The following SLC25A19 variants were observed in gnomAD, a reference collection of about 807,000 sequenced individuals.
The protein encoded by SLC25A19 is solute carrier family 25 member 19, also known as mitochondrial thiamine pyrophosphate carrier.
Under a neutral mutation model 27.9 loss-of-function variants are expected in SLC25A19, and 18 were observed. That is an observed-to-expected ratio of 0.64 (90% confidence interval 0.45 to 0.96). The LOEUF is 0.96. SLC25A19 is among the 40% of genes least tolerant of loss of function. The pLI is 0.00. For synonymous variants in SLC25A19, 169 were observed against 167.1 expected (o/e 1.01, Z -0.09); for missense variants, 371 against 418.3 (o/e 0.89, Z 0.99).
chr17:75,273,530 G>A lies in SLC25A19; in HGVS notation c.884C>T (p.Ser295Phe), dbSNP rs1386013043. The change falls in exon 8 of 8, where the codon TCC becomes TTC. Residue 295 changes from serine (S) to phenylalanine (F), a missense_variant. Ser to Phe is a radical substitution (Grantham distance 155, BLOSUM62 -2). Coordinates refer to ENST00000416858, the MANE Select transcript of SLC25A19 (RefSeq NM_001126121.2). The stretch of plus-strand genomic sequence containing the variant: ...ATACGAGAAGAACATGAAGCCTGTG[G>A]AGAGGGCAGCCTTCAGCAAGCTGGG... ...LSPSLLKAAL[S>F]TGFMFFSYEF... The A allele has an allele frequency of 1.9e-6, 3 of 1,614,092 alleles. No individual in the cohort carries two copies. The highest frequency in any genetic ancestry group is 1.3e-5 in the African/African-American group (1 of 74,938).
At chr17:75,280,749 T>C (rs2078019158) in intron 5 of SLC25A19, among the ~76,000 whole-genome samples, 1 of 151,250 alleles carries the variant, frequency 6.6e-6, no homozygotes, top group South Asian at 2.1e-4. Context: ...GGGGTGGAGC[T>C]TGCAGCCTCA....
intron 5 of SLC25A19, among the ~76,000 whole-genome samples, chr17:75,280,013 C>CA (rs1296321737): frequency 2.2e-5 from 3 of 137,454 alleles, no homozygotes; most frequent in African/African-American, 7.7e-5. Flanking sequence ...AACTCTTAAA[C>CA]AAATTATCCT....
In SLC25A19 at chr17:75,278,265, C is replaced by G. The variant is rs119473030; in HGVS notation, c.530G>C (p.Gly177Ala). The G allele has an allele frequency of 2.5e-5, 41 of 1,613,940 alleles. No homozygotes were observed. Among genetic ancestry groups the G allele is most frequent in the East Asian group, 2.2e-5 (1 of 44,884 alleles). Residue 177 changes from glycine to alanine, a missense_variant, in exon 6 of 8, where the codon GGC (glycine) becomes GCC (alanine). By Grantham distance (60) the Gly-to-Ala change is moderately conservative. Coordinates refer to ENST00000416858, the MANE Select transcript of SLC25A19 (RefSeq NM_001126121.2). ...GATGGCGATCAAGGTGGGAGCCAAG[C>G]CTTTGTAGAAAACCTGGGGGCCTTC... is the stretch of plus-strand genomic sequence containing the variant. The part of the protein sequence containing the change: ...RSEGPQVFYK[G>A]LAPTLIAIFP...
chr17:75,276,381 T>C (rs2077886925), intron 7 of SLC25A19, among the ~76,000 whole-genome samples: 1 of 152,210 alleles, frequency 6.6e-6, no homozygotes, highest in South Asian at 2.1e-4. Flanking sequence ...TGTGCTTTAA[T>C]ATTTGGGGAC....
At chr17:75,274,231 C>A (rs1325843775) in intron 7 of SLC25A19, among the ~76,000 whole-genome samples, 1 of 152,182 alleles carries the variant, frequency 6.6e-6, no homozygotes, top group Non-Finnish European at 1.5e-5. Context: ...TTCCCAGAGG[C>A]ATCTCTGACC....
chr17:75,277,231 G>A (rs62089322), intron 7 of SLC25A19, 122 bp downstream of exon 7: 10 of 1,273,332 alleles, frequency 7.9e-6, no homozygotes, highest in South Asian at 2.8e-5. Context: ...AGGAATGGAC[G>A]CAGGTGAAGG....
rs1157012896 is a variant in SLC25A19, at chr17:75,278,152, C to T, written c.643G>A (p.Glu215Lys). Reference sequence around the variant, plus strand: ...CCCTCTCGTGTGAGGGCTGCCTCACCATTTTTCTTTCCTTCGGCTGGTATG... The same window carrying T: ...CCCTCTCGTGTGAGGGCTGCCTCACTATTTTTCTTTCCTTCGGCTGGTATG... ...WAIPAEGKKNENLQNLLCGSG... is the reference protein window; with the variant it reads ...WAIPAEGKKNKNLQNLLCGSG... The change falls in exon 6 of 8, where the codon GAG becomes AAG. Residue 215 changes from glutamate (E) to lysine (K), a missense_variant and splice_region_variant. Transcript: ENST00000416858. 17 of 1,613,204 alleles carry T rather than the reference C, an allele frequency of 1.1e-5. No individual in the cohort carries two copies. Among genetic ancestry groups the T allele is most frequent in the Non-Finnish European group, 1.4e-5 (16 of 1,179,992 alleles).
chr17:75,277,430 G>A lies in SLC25A19; in HGVS notation c.697C>T (p.Leu233=). The A allele has an allele frequency of 6.2e-7, 1 of 1,614,120 alleles. No homozygotes were observed. Among genetic ancestry groups the A allele is most frequent in the Non-Finnish European group, 8.5e-7 (1 of 1,180,020 alleles). The part of the protein sequence containing the change: ...GSGAGVISKT[L]TYPLDLFKKR... Reference sequence around the variant, plus strand: ...TTGAAGAGGTCCAGCGGATATGTCAGGGTCTTGCTGATGACACCAGCTCCA... The same window carrying A: ...TTGAAGAGGTCCAGCGGATATGTCAAGGTCTTGCTGATGACACCAGCTCCA... Residue 233 remains leucine, a synonymous_variant, in exon 7 of 8, where the codon CTG becomes TTG. Transcript: ENST00000416858.
At chr17:75,284,628 T>G (rs2078137300) in intron 4 of SLC25A19, among the ~76,000 whole-genome samples, 1 of 143,654 alleles carries the variant, frequency 7.0e-6, no homozygotes, top group South Asian at 2.3e-4. Context: ...TACATTCAGA[T>G]CTTTCTTTTT....
chr17:75,277,554 G>A (rs1567835807), intron 6 of SLC25A19, 71 bp from the exon 7 acceptor site: 38 of 1,579,014 alleles, frequency 2.4e-5, no homozygotes, highest in Admixed American at 3.3e-5. Context: ...CTTAAAAGGC[G>A]TCAGGGCTAA....
chr17:75,286,821 G>A lies in SLC25A19; in HGVS notation c.-38-19C>T. ...TATCAAGCTAAATGCAAGAGATACG[G>A]AATAAACACCAGGCAAGTTTCTTAT... On this transcript the variant is annotated intron_variant, in intron 2 of 7. Coordinates refer to ENST00000416858, the MANE Select transcript of SLC25A19 (RefSeq NM_001126121.2). 3 of 1,610,324 alleles carry A rather than the reference G, an allele frequency of 1.9e-6. No homozygotes were observed. The highest frequency in any genetic ancestry group is 1.7e-6 in the Non-Finnish European group (2 of 1,177,744).
chr17:75,286,403 G>A lies in SLC25A19; in HGVS notation c.189C>T (p.Leu63=). Residue 63 remains leucine, a synonymous_variant, in exon 4 of 8, where the codon CTC becomes CTT. Transcript: ENST00000416858. ...SDPSAKYHGI[L]QASRQILQEE... ...CCTGCAGAATCTGCCTAGAGGCCTGGAGGATGCCATGGTACTTTGCGCTGG... is the reference window on the plus strand; with the variant it reads ...CCTGCAGAATCTGCCTAGAGGCCTGAAGGATGCCATGGTACTTTGCGCTGG... 2 of 1,614,208 alleles carry A rather than the reference G, an allele frequency of 1.2e-6. No homozygotes were observed. The highest frequency in any genetic ancestry group is 1.7e-6 in the Non-Finnish European group (2 of 1,180,036).
rs549042210 is a variant in SLC25A19 at position 75,279,708 on chromosome 17, C to T, written c.460-1373G>A. 4.5e-3 allele frequency among the ~76,000 whole-genome samples: 688 copies of T among 151,970 alleles called. 8 individuals carry two copies. The highest frequency in any genetic ancestry group is 0.015 in the African/African-American group (642 of 41,450). On this transcript the variant is annotated intron_variant, in intron 5 of 7. Transcript: ENST00000416858. ...ATTTTTAGTAGAGACGGGGTTTCAT[C>T]ATGTTGGCCAGGATGATCTCGATCT...
chr17:75,274,547 T>C (rs2077815217), intron 7 of SLC25A19, among the ~76,000 whole-genome samples: 1 of 152,178 alleles, frequency 6.6e-6, no homozygotes, highest in South Asian at 2.1e-4. Flanking sequence ...CCACGTGCCC[T>C]TCCCACCTCT....
At chr17:75,281,204 A>T (rs562875396) in intron 5 of SLC25A19, among the ~76,000 whole-genome samples, 1 of 152,098 alleles carries the variant, frequency 6.6e-6, no homozygotes, top group East Asian at 1.9e-4. Flanking sequence ...AATATATATA[A>T]ATAATAACAA....
intron 2 of SLC25A19, 45 bp from the exon 3 acceptor site, chr17:75,286,847 G>C (rs568842542): frequency 6.4e-7 from 1 of 1,567,900 alleles, no homozygotes; most frequent in South Asian, 1.1e-5. Flanking sequence ...AGTTTCTTAT[G>C]GTCTCTGCTC....
At chr17:75,284,646 T>C (rs1403749300) in intron 4 of SLC25A19, among the ~76,000 whole-genome samples, 1 of 149,774 alleles carries the variant, frequency 6.7e-6, no homozygotes, top group Non-Finnish European at 1.5e-5. Flanking sequence ...TTTTTTTTTT[T>C]TTTTTTTTTT....
chr17:75,284,354 G>C (rs576775472), intron 4 of SLC25A19, among the ~76,000 whole-genome samples: 6 of 152,312 alleles, frequency 3.9e-5, no homozygotes, highest in Admixed American at 2.0e-4. Context: ...AGTGAGCTGA[G>C]ATTGCGCCAC....
In SLC25A19 at chr17:75,286,349, T is replaced by A; in HGVS notation, c.243A>T (p.Gly81=). The A allele has an allele frequency of 6.2e-7, 1 of 1,614,144 alleles. No individual in the cohort carries two copies. Residue 81 remains glycine (G), a synonymous_variant, in exon 4 of 8, where the codon GGA becomes GGT. Coordinates refer to ENST00000416858, the MANE Select transcript of SLC25A19 (RefSeq NM_001126121.2). The part of the protein sequence containing the change: ...QEEGPTAFWK[G]HVPAQILSIG... ...TGGAGAGAATCTGAGCTGGGACGTG[T>A]CCTTTCCAGAAAGCTGTCGGACCCT... is the stretch of plus-strand genomic sequence containing the variant.
Sources: allele counts gnomAD v4.1 joint callset (sites outside exome capture counted in the v4.1 genomes callset), GRCh38; gene constraint gnomAD v4.1.1; transcripts MANE v1.5; gene names NCBI Gene and HGNC (gene_info 2026-07-23, HGNC 2026-07-21).